The following LRRIQ1 variants were observed in gnomAD, a reference collection of about 807,000 sequenced individuals.
LRRIQ1 encodes leucine rich repeats and IQ motif containing 1.
Under a neutral mutation model 211.9 loss-of-function variants are expected in LRRIQ1, and 210 were observed. The ratio of observed to expected loss-of-function variants is 0.99; its 90% CI spans 0.89 to 1.11. The LOEUF (loss-of-function observed/expected upper bound fraction) is 1.11. Ranked by LOEUF, LRRIQ1 falls within the 50% of genes most tolerant of loss-of-function variation. The pLI, the probability that LRRIQ1 is intolerant of heterozygous loss-of-function variation, is 0.00. For synonymous variants in LRRIQ1, 699 were observed against 650.1 expected, an observed-to-expected ratio of 1.08 and a Z score of -1.14; for missense variants, 2,136 against 1,939.5, an observed-to-expected ratio of 1.10 and a Z score of -1.90.
intron 23 of LRRIQ1, among the ~76,000 whole-genome samples, chr12:85,155,717 T>C (rs1890506368): frequency 6.6e-6 from 1 of 151,656 alleles, no homozygotes; most frequent in African/African-American, 2.4e-5. Flanking sequence ...TTGCAATAAA[T>C]AGCCTCCAGT....
At chr12:85,117,845 T>C (rs963015140) in intron 15 of LRRIQ1, among the ~76,000 whole-genome samples, 4 of 152,208 alleles carry the variant, frequency 2.6e-5, no homozygotes, top group Admixed American at 2.6e-4. Flanking sequence ...CATAACTAAG[T>C]AAGTTATTTT....
chr12:85,136,473 G>A (rs1046138860), intron 18 of LRRIQ1, among the ~76,000 whole-genome samples: 1 of 151,848 alleles, frequency 6.6e-6, no homozygotes, highest in African/African-American at 2.4e-5. Flanking sequence ...GGTTGTTCCT[G>A]AGTTAGAAGC....
chr12:85,114,023 G>A (rs940866979), intron 15 of LRRIQ1, among the ~76,000 whole-genome samples: 3 of 149,174 alleles, frequency 2.0e-5, no homozygotes, highest in African/African-American at 5.0e-5. Flanking sequence ...AGAAGCAATC[G>A]ATATTTCCAC....
chr12:85,225,053 A>G (rs1028499720), intron 24 of LRRIQ1, among the ~76,000 whole-genome samples: 4 of 152,104 alleles, frequency 2.6e-5, no homozygotes, highest in Admixed American at 1.3e-4. Context: ...TCTCATATCC[A>G]TGGGTTCTGC....
intron 1 of LRRIQ1, among the ~76,000 whole-genome samples, chr12:85,037,674 G>A (rs940794094): frequency 6.6e-6 from 1 of 151,982 alleles, no homozygotes; most frequent in African/African-American, 2.4e-5. Context: ...AGGTGGAAAG[G>A]TCAGGCCCTT....
chr12:85,208,834 A>G (rs1893693821), intron 24 of LRRIQ1, among the ~76,000 whole-genome samples: 1 of 152,182 alleles, frequency 6.6e-6, no homozygotes, highest in Non-Finnish European at 1.5e-5. Context: ...ATCTAATGTT[A>G]TAAACTTGAC....
chr12:85,225,637 A>T (rs1310597239), intron 24 of LRRIQ1, among the ~76,000 whole-genome samples: 1 of 152,160 alleles, frequency 6.6e-6, no homozygotes, highest in Non-Finnish European at 1.5e-5. Context: ...TTAGGTTGAT[A>T]ATATAGGGAA....
At chr12:85,086,054 T>C (rs1163485238) in intron 11 of LRRIQ1, among the ~76,000 whole-genome samples, 1 of 152,156 alleles carries the variant, frequency 6.6e-6, no homozygotes, top group African/African-American at 2.4e-5. Context: ...TCACCAATGG[T>C]GTATAAATGT....
At chr12:85,247,413 G>A (rs1210914777), downstream of LRRIQ1, among the ~76,000 whole-genome samples, 1 of 151,448 alleles carries the variant, frequency 6.6e-6, no homozygotes, top group Admixed American at 6.6e-5. Flanking sequence ...CTCTTTTTGA[G>A]CCTTTGAACT....
chr12:85,106,686 T>G (rs1886810427), intron 15 of LRRIQ1, 71 bp downstream of exon 15: 1 of 1,031,170 alleles, frequency 9.7e-7, no homozygotes, highest in Non-Finnish European at 1.5e-6. Context: ...ATAAAAATTG[T>G]CCTGTGAATA....
chr12:85,186,262 T>G (rs1041601062), intron 24 of LRRIQ1, among the ~76,000 whole-genome samples: 39 of 152,164 alleles, frequency 2.6e-4, no homozygotes, highest in African/African-American at 9.4e-4. Flanking sequence ...TAACTTAGAT[T>G]TAACCTACAG....
intron 24 of LRRIQ1, among the ~76,000 whole-genome samples, chr12:85,167,412 G>A (rs1427568258): frequency 1.3e-5 from 2 of 152,142 alleles, no homozygotes; most frequent in Non-Finnish European, 2.9e-5. Flanking sequence ...TCAAAAGTAG[G>A]GAAGCCAACA....
chr12:85,228,213 A>G (rs1227637731), intron 24 of LRRIQ1, among the ~76,000 whole-genome samples: 2 of 152,226 alleles, frequency 1.3e-5, no homozygotes, highest in Non-Finnish European at 2.9e-5. Context: ...AGCAAAAGAA[A>G]CTACCATCAG....
intron 8 of LRRIQ1, among the ~76,000 whole-genome samples, chr12:85,058,074 C>T (rs1001330654): frequency 6.6e-6 from 1 of 151,938 alleles, no homozygotes; most frequent in African/African-American, 2.4e-5. Context: ...AAAGAAAACC[C>T]AGTCTTTTAC....
At chr12:85,074,952 AC>A (rs1883478376) in intron 11 of LRRIQ1, among the ~76,000 whole-genome samples, 1 of 152,114 alleles carries the variant, frequency 6.6e-6, no homozygotes, top group African/African-American at 2.4e-5. Context: ...AATTTCATTG[AC>A]TTTCTAGCAG....
chr12:85,217,463 G>A (rs1300203390), intron 24 of LRRIQ1, among the ~76,000 whole-genome samples: 1 of 106,348 alleles, frequency 9.4e-6, no homozygotes, highest in Non-Finnish European at 1.7e-5. Context: ...GCAGGGACCT[G>A]AAGTATATAT....
chr12:85,131,466 AC>A (rs1888757758), intron 18 of LRRIQ1, among the ~76,000 whole-genome samples: 1 of 152,010 alleles, frequency 6.6e-6, no homozygotes, highest in Non-Finnish European at 1.5e-5. Context: ...CACTTACCCT[AC>A]CCCACTTAAA....
chr12:85,245,215 A>G (rs1895663695), downstream of LRRIQ1: 1 of 318,280 alleles, frequency 3.1e-6, no homozygotes. Flanking sequence ...AGAATTTTTT[A>G]GACTAATTGT....
At chr12:85,217,456 G>C (rs1228944550) in intron 24 of LRRIQ1, among the ~76,000 whole-genome samples, 1 of 126,024 alleles carries the variant, frequency 7.9e-6, no homozygotes, top group Non-Finnish European at 1.6e-5. Context: ...AGATAGAGCA[G>C]GGACCTGAAG....
Sources: gnomAD v4.1 joint callset for allele counts (sites outside exome capture counted in the v4.1 genomes callset) on GRCh38, gnomAD v4.1.1 for gene constraint, MANE v1.5 for transcripts, NCBI Gene and HGNC (gene_info 2026-07-23, HGNC 2026-07-21) for gene names.